RCAN2: variants seen among roughly 807,000 people sequenced by gnomAD.
The protein encoded by RCAN2 is regulator of calcineurin 2.
In RCAN2, 9 loss-of-function variants were observed where a neutral mutation model predicts 23.6. That is an observed-to-expected ratio of 0.38 (90% CI 0.23 to 0.67). RCAN2 has a LOEUF of 0.67. Ranked by LOEUF, RCAN2 falls within the 30% of genes least tolerant of loss-of-function variation. The pLI is 0.51. For missense variants in RCAN2, 273 were observed against 302.3 expected (o/e 0.90, Z 0.72); for synonymous variants, 109 against 115.7 (o/e 0.94, Z 0.37).
intron 2 of RCAN2, among the ~76,000 whole-genome samples, chr6:46,292,074 C>T (rs1297552279): frequency 6.6e-6 from 1 of 152,182 alleles, no homozygotes; most frequent in African/African-American, 2.4e-5. Flanking sequence ...AAATTGCCTG[C>T]TCAGCAAACT....
chr6:46,457,090 C>CAG, intron 1 of RCAN2, 112 bp from the exon 2 acceptor site: 1 of 678,358 alleles, frequency 1.5e-6, no homozygotes, highest in Non-Finnish European at 2.5e-6. Context: ...CGATTAGGAG[C>CAG]AGAGGCAGGG....
intron 2 of RCAN2, among the ~76,000 whole-genome samples, chr6:46,341,664 G>C (rs555855017): frequency 7.2e-5 from 11 of 152,244 alleles, no homozygotes; most frequent in African/African-American, 2.2e-4. Context: ...CAGGCATGGT[G>C]GCAGGCACCT....
chr6:46,311,424 A>T (rs1053468499), intron 2 of RCAN2, among the ~76,000 whole-genome samples: 1 of 152,236 alleles, frequency 6.6e-6, no homozygotes, highest in African/African-American at 2.4e-5. Flanking sequence ...GGGTTTGATC[A>T]GAAATGGTCC....
chr6:46,433,548 G>C, intron 2 of RCAN2, among the ~76,000 whole-genome samples: 1 of 152,198 alleles, frequency 6.6e-6, no homozygotes, highest in East Asian at 1.9e-4. Context: ...GGAAGCAGAA[G>C]TCAAAGAGAT....
intron 2 of RCAN2, among the ~76,000 whole-genome samples, chr6:46,297,561 A>G (rs2150349042): frequency 6.6e-6 from 1 of 152,230 alleles, no homozygotes. Context: ...AAGAAGAGCC[A>G]GGATTTCCCA....
Position 46,277,335 on chromosome 6 carries a change from GA to G in RCAN2, c.226-28440del, listed in dbSNP as rs559577708. On this transcript the variant is annotated intron_variant, in intron 2 of 4. Transcript: ENST00000371374. ...CTTGGTAAAAATTATTTTCTCATAG[GA>G]GGAGAAATGGCTTTTTCTATAGGTA... 3.6e-3 allele frequency among the ~76,000 whole-genome samples: 553 copies of G among 152,260 alleles called. 1 individual carries two copies. The highest frequency in any genetic ancestry group is 5.2e-3 in the Non-Finnish European group (352 of 68,032).
intron 2 of RCAN2, among the ~76,000 whole-genome samples, chr6:46,270,760 T>C (rs1022964647): frequency 1.3e-5 from 2 of 152,098 alleles, no homozygotes; most frequent in African/African-American, 4.8e-5. Flanking sequence ...GCTGCTGTGG[T>C]GTGAGTTGCC....
At chr6:46,266,938 C>T (rs888372402) in intron 2 of RCAN2, among the ~76,000 whole-genome samples, 10 of 57,160 alleles carry the variant, frequency 1.7e-4, no homozygotes, top group Non-Finnish European at 3.3e-4. Context: ...GACATTCCAC[C>T]GACATTTAAA....
At chr6:46,311,062 C>T (rs1168525234) in intron 2 of RCAN2, among the ~76,000 whole-genome samples, 1 of 152,050 alleles carries the variant, frequency 6.6e-6, no homozygotes, top group Non-Finnish European at 1.5e-5. Context: ...GTTACAACAC[C>T]CTGAAGAGTA....
intron 2 of RCAN2, among the ~76,000 whole-genome samples, chr6:46,352,981 G>T (rs1475175940): frequency 6.6e-6 from 1 of 152,166 alleles, no homozygotes; most frequent in Non-Finnish European, 1.5e-5. Context: ...AGGACACCAG[G>T]CATAGCTCCC....
At chr6:46,356,286 A>G (rs578255624) in intron 2 of RCAN2, among the ~76,000 whole-genome samples, 1 of 152,162 alleles carries the variant, frequency 6.6e-6, no homozygotes, top group Non-Finnish European at 1.5e-5. Context: ...TCTGATATTC[A>G]TGGACAAGTC....
At chr6:46,406,937 T>C (rs1056576753) in intron 2 of RCAN2, among the ~76,000 whole-genome samples, 49 of 152,198 alleles carry the variant, frequency 3.2e-4, no homozygotes, top group African/African-American at 1.2e-3. Flanking sequence ...GGCGATTCAG[T>C]AACAAATACC....
chr6:46,471,803 G>A (rs1234782863), intron 1 of RCAN2, among the ~76,000 whole-genome samples: 1 of 152,114 alleles, frequency 6.6e-6, no homozygotes. Context: ...GCAAGGGGGT[G>A]TGTTATAGGG....
At position 46,323,568 on chromosome 6, in the gene RCAN2, C is replaced by CAT. The variant is rs531000014; in HGVS notation, c.226-74674_226-74673dup. ...CCTTTCCCGTTTGCCTCTAATCTCT[C>CAT]ATAGAGAACCTACTGCAGTCAAAAG... On this transcript the variant is annotated intron_variant, in intron 2 of 4. Coordinates refer to ENST00000371374, the MANE Select transcript of RCAN2 (RefSeq NM_001251974.2). 3.7e-4 allele frequency among the ~76,000 whole-genome samples: 57 copies of CAT among 152,272 alleles called. No individual in the cohort carries two copies. The East Asian group carries it at 0.011, about 29-fold the overall frequency.
chr6:46,354,268 C>T (rs1214717298), intron 2 of RCAN2, among the ~76,000 whole-genome samples: 1 of 147,970 alleles, frequency 6.8e-6, no homozygotes, highest in Non-Finnish European at 1.5e-5. Flanking sequence ...GAATCCCTGA[C>T]TCATGGTTAG....
At chr6:46,337,552 C>T (rs1764183281) in intron 2 of RCAN2, among the ~76,000 whole-genome samples, 3 of 152,212 alleles carry the variant, frequency 2.0e-5, no homozygotes, top group Admixed American at 1.3e-4. Context: ...TGGACCTGAA[C>T]ATCTAATCTT....
chr6:46,318,045 T>G (rs967437320), intron 2 of RCAN2, among the ~76,000 whole-genome samples: 2 of 152,236 alleles, frequency 1.3e-5, no homozygotes, highest in African/African-American at 4.8e-5. Flanking sequence ...CCCACCTTGA[T>G]AACATATAAT....
At chr6:46,321,794 A>G (rs1388130781) in intron 2 of RCAN2, among the ~76,000 whole-genome samples, 2 of 152,224 alleles carry the variant, frequency 1.3e-5, no homozygotes, top group African/African-American at 4.8e-5. Context: ...GGAGAACTGA[A>G]GTGTTGGGTG....
intron 2 of RCAN2, among the ~76,000 whole-genome samples, chr6:46,249,309 C>G (rs1376013193): frequency 2.3e-5 from 3 of 128,558 alleles, no homozygotes; most frequent in Non-Finnish European, 3.2e-5. Context: ...CTTTTTCTTT[C>G]TTTCTTTCTT....
Sources: allele counts gnomAD v4.1 joint callset (sites outside exome capture counted in the v4.1 genomes callset), GRCh38; gene constraint gnomAD v4.1.1; transcripts MANE v1.5; gene names NCBI Gene and HGNC (gene_info 2026-07-23, HGNC 2026-07-21).